Variants in CDH13 observed in about 807,000 individuals in gnomAD.
CDH13 encodes the protein cadherin-13.
In CDH13, 24 loss-of-function variants were observed where a neutral mutation model predicts 63.8. The observed-to-expected ratio is 0.38, with a 90% CI of 0.27 to 0.53. The LOEUF is 0.53. Ranked by LOEUF, CDH13 falls within the 20% of genes least tolerant of loss-of-function variation. CDH13 has a pLI of 0.85. For synonymous variants in CDH13, 503 were observed against 355.3 expected, an observed-to-expected ratio of 1.42 and a Z score of -4.67; for missense variants, 1,049 against 903.1, an observed-to-expected ratio of 1.16 and a Z score of -2.07.
At chr16:83,161,987 T>C (rs1426987353) in intron 4 of CDH13, among the ~76,000 whole-genome samples, 2 of 152,226 alleles carry the variant, frequency 1.3e-5, no homozygotes, top group Admixed American at 1.3e-4. Context: ...CCAAATTCTC[T>C]CACTACTTTC....
chr16:83,748,522 A>G (rs1006703316), intron 11 of CDH13, among the ~76,000 whole-genome samples: 2 of 152,218 alleles, frequency 1.3e-5, no homozygotes, highest in Admixed American at 1.3e-4. Flanking sequence ...CGTGGAGGTT[A>G]GAAAGCCACG....
chr16:82,774,409 T>C (rs1365358270), intron 1 of CDH13, among the ~76,000 whole-genome samples: 1 of 152,074 alleles, frequency 6.6e-6, no homozygotes, highest in Non-Finnish European at 1.5e-5. Context: ...TAGGTTATTG[T>C]GAGAAATAAG....
chr16:83,156,599 T>C (rs1334144309), intron 4 of CDH13, among the ~76,000 whole-genome samples: 1 of 152,154 alleles, frequency 6.6e-6, no homozygotes, highest in Non-Finnish European at 1.5e-5. Context: ...AGCCTCCAGA[T>C]AAAAGGCACC....
At chr16:83,033,490 C>T (rs1916567430) in intron 3 of CDH13, among the ~76,000 whole-genome samples, 1 of 152,062 alleles carries the variant, frequency 6.6e-6, no homozygotes, top group Non-Finnish European at 1.5e-5. Flanking sequence ...TACAGGCATA[C>T]ACATACTATA....
chr16:83,331,417 G>A (rs2090477830), intron 5 of CDH13, among the ~76,000 whole-genome samples: 4 of 152,294 alleles, frequency 2.6e-5, no homozygotes, highest in South Asian at 4.2e-4. Context: ...TGTACTTAAT[G>A]TGTGTTTCTT....
chr16:83,521,478 T>C (rs779419208), intron 7 of CDH13, among the ~76,000 whole-genome samples: 9 of 152,296 alleles, frequency 5.9e-5, no homozygotes, highest in Non-Finnish European at 8.8e-5. Context: ...TAAACACCAA[T>C]ACGGTGTCAA....
chr16:82,801,950 G>T (rs1597632728), intron 1 of CDH13, among the ~76,000 whole-genome samples: 1 of 152,170 alleles, frequency 6.6e-6, no homozygotes, highest in African/African-American at 2.4e-5. Flanking sequence ...AAGGAGTGCG[G>T]ATGTGAATAA....
chr16:83,131,352 T>C (rs1390978784), intron 4 of CDH13, among the ~76,000 whole-genome samples: 1 of 152,212 alleles, frequency 6.6e-6, no homozygotes, highest in Admixed American at 6.5e-5. Context: ...CACCCAGTCG[T>C]GAACATACTT....
chr16:83,556,201 C>T (rs1401283104), intron 7 of CDH13, among the ~76,000 whole-genome samples: 2 of 152,210 alleles, frequency 1.3e-5, no homozygotes, highest in Non-Finnish European at 2.9e-5. Context: ...AGCATCAAAT[C>T]AGATAAACTA....
intron 7 of CDH13, among the ~76,000 whole-genome samples, chr16:83,516,390 A>G (rs976353758): frequency 2.0e-5 from 3 of 152,218 alleles, no homozygotes; most frequent in Non-Finnish European, 2.9e-5. Flanking sequence ...TTTCTAGCCT[A>G]TAAAAATAGT....
At chr16:83,750,746 G>C (rs1051572255) in intron 11 of CDH13, among the ~76,000 whole-genome samples, 3 of 152,164 alleles carry the variant, frequency 2.0e-5, no homozygotes, top group Non-Finnish European at 4.4e-5. Flanking sequence ...GAGAGGCTGG[G>C]AGGAGAGCCT....
intron 2 of CDH13, among the ~76,000 whole-genome samples, chr16:82,968,370 G>A (rs1287919695): frequency 1.3e-5 from 2 of 152,150 alleles, no homozygotes; most frequent in African/African-American, 2.4e-5. Context: ...AGACCTAGTG[G>A]TCCAGTTACT....
At chr16:82,783,929 C>T (rs73604831) in intron 1 of CDH13, among the ~76,000 whole-genome samples, 1 of 152,080 alleles carries the variant, frequency 6.6e-6, no homozygotes, top group African/African-American at 2.4e-5. Flanking sequence ...GAAAAAAATA[C>T]TAATGTCTTC....
intron 2 of CDH13, among the ~76,000 whole-genome samples, chr16:82,881,792 C>G (rs1041059762): frequency 6.6e-6 from 1 of 152,096 alleles, no homozygotes; most frequent in Non-Finnish European, 1.5e-5. Flanking sequence ...GGCTGACTAT[C>G]TGAGTGTCCC....
chr16:82,808,907 C>A (rs2037296417), intron 1 of CDH13, among the ~76,000 whole-genome samples: 1 of 152,132 alleles, frequency 6.6e-6, no homozygotes, highest in Admixed American at 6.6e-5. Context: ...AGTGAGCATC[C>A]TTATACCTGC....
At chr16:82,684,653 A>AC (rs2150965682) in intron 1 of CDH13, among the ~76,000 whole-genome samples, 1 of 152,122 alleles carries the variant, frequency 6.6e-6, no homozygotes, top group African/African-American at 2.4e-5. Context: ...TGGAGTCTCT[A>AC]CTGGTTCCAT....
chr16:82,789,955 C>G (rs2036213003), intron 1 of CDH13, among the ~76,000 whole-genome samples: 1 of 152,102 alleles, frequency 6.6e-6, no homozygotes, highest in African/African-American at 2.4e-5. Flanking sequence ...ACATCTTTCT[C>G]AGACCAGCCC....
At chr16:83,070,482 T>G (rs2151540999) in intron 3 of CDH13, among the ~76,000 whole-genome samples, 1 of 152,324 alleles carries the variant, frequency 6.6e-6, no homozygotes, top group African/African-American at 2.4e-5. Context: ...GTTTTACTGT[T>G]GATGTTTTTA....
intron 7 of CDH13, among the ~76,000 whole-genome samples, chr16:83,560,592 C>A (rs2075685487): frequency 6.6e-6 from 1 of 152,188 alleles, no homozygotes; most frequent in African/African-American, 2.4e-5. Flanking sequence ...TAAAGACCTA[C>A]TATTTAGAGT....
Sources: allele counts gnomAD v4.1 joint callset (sites outside exome capture counted in the v4.1 genomes callset), GRCh38; gene constraint gnomAD v4.1.1; transcripts MANE v1.5; gene names NCBI Gene and HGNC (gene_info 2026-07-23, HGNC 2026-07-21).